The following CDC42BPA variants were observed in gnomAD, a reference collection of about 807,000 sequenced individuals.
CDC42BPA encodes serine/threonine-protein kinase MRCK alpha.
In CDC42BPA, 80 loss-of-function variants were observed where a neutral mutation model predicts 223.5. The ratio of observed to expected loss-of-function variants is 0.36; its 90% CI spans 0.30 to 0.43. CDC42BPA has a LOEUF of 0.43. CDC42BPA is among the 20% of genes least tolerant of loss of function. The pLI is 1.00. For synonymous variants in CDC42BPA, 694 were observed against 718.6 expected (o/e 0.97, Z 0.55); for missense variants, 1,743 against 2,099.9 (o/e 0.83, Z 3.32).
chr1:227,285,105 CA>C (rs1212240714), intron 1 of CDC42BPA, among the ~76,000 whole-genome samples: 3 of 151,578 alleles, frequency 2.0e-5, no homozygotes, highest in Non-Finnish European at 4.4e-5. Context: ...GTTTCTTGTG[CA>C]AAACAGGTAG....
At chr1:227,222,146 T>C (rs1299341887) in intron 2 of CDC42BPA, among the ~76,000 whole-genome samples, 1 of 151,482 alleles carries the variant, frequency 6.6e-6, no homozygotes, top group Non-Finnish European at 1.5e-5. Context: ...GATGGGAGCT[T>C]GGTCAAGACT....
At chr1:227,067,638 AAC>A (rs1227232248) in intron 21 of CDC42BPA, among the ~76,000 whole-genome samples, 1 of 152,144 alleles carries the variant, frequency 6.6e-6, no homozygotes, top group African/African-American at 2.4e-5. Flanking sequence ...AGAATAGCAA[AAC>A]ACTTTGTTTA....
At chr1:227,075,512 G>C (rs796096821) in intron 17 of CDC42BPA, among the ~76,000 whole-genome samples, 1 of 152,136 alleles carries the variant, frequency 6.6e-6, no homozygotes, top group Non-Finnish European at 1.5e-5. Context: ...TAAAACCATG[G>C]TAAGGGACAG....
intron 5 of CDC42BPA, among the ~76,000 whole-genome samples, chr1:227,182,155 G>A (rs552807298): frequency 6.6e-6 from 1 of 152,174 alleles, no homozygotes; most frequent in African/African-American, 2.4e-5. Context: ...TCTAACACCT[G>A]GAGTCCTCAT....
At chr1:227,276,645 G>T (rs1687116572) in intron 1 of CDC42BPA, among the ~76,000 whole-genome samples, 1 of 152,250 alleles carries the variant, frequency 6.6e-6, no homozygotes, top group Non-Finnish European at 1.5e-5. Context: ...GGGGGGAAAT[G>T]TGGGGAAAGG....
intron 2 of CDC42BPA, chr1:227,235,222 GCTGA>G (rs777296544): frequency 1.3e-5 from 2 of 152,112 alleles, no homozygotes; most frequent in South Asian, 2.1e-4. Flanking sequence ...CCCCCTACTG[GCTGA>G]CTGTCAATTC....
chr1:227,016,668 A>G (rs1189999947), intron 33 of CDC42BPA, among the ~76,000 whole-genome samples: 1 of 134,956 alleles, frequency 7.4e-6, no homozygotes, highest in Non-Finnish European at 1.6e-5. Flanking sequence ...CAATCCAAAA[A>G]TATGACTATT....
chr1:227,233,541 A>C (rs1678424502), intron 2 of CDC42BPA, among the ~76,000 whole-genome samples: 3 of 152,338 alleles, frequency 2.0e-5, no homozygotes, highest in Admixed American at 2.0e-4. Context: ...TTCTTGTAAC[A>C]TATACCTATC....
intron 1 of CDC42BPA, among the ~76,000 whole-genome samples, chr1:227,294,859 C>CAA (rs397983087): frequency 0.25 from 3,144 of 12,780 alleles, 1,323 homozygotes; most frequent in East Asian, 0.3. Flanking sequence ...GACTCCGTCT[C>CAA]AAAAAAAAAA....
At chr1:227,005,899 T>C (rs937803947) in intron 34 of CDC42BPA, among the ~76,000 whole-genome samples, 4 of 152,212 alleles carry the variant, frequency 2.6e-5, no homozygotes, top group African/African-American at 9.6e-5. Context: ...GATAGCCACA[T>C]AGGTGGTGTG....
At chr1:227,068,365 T>C (rs978180776) in intron 21 of CDC42BPA, 33 of 152,242 alleles carry the variant, frequency 2.2e-4, no homozygotes, top group African/African-American at 7.5e-4. Context: ...TTTATATATA[T>C]ATAAAAAATA....
intron 5 of CDC42BPA, among the ~76,000 whole-genome samples, chr1:227,187,350 A>G (rs1275310379): frequency 1.3e-5 from 2 of 152,192 alleles, no homozygotes; most frequent in East Asian, 1.9e-4. Context: ...GAAATGCTAG[A>G]GATCAAAAAC....
chr1:227,183,771 C>T (rs1668329837), intron 5 of CDC42BPA, among the ~76,000 whole-genome samples: 1 of 152,182 alleles, frequency 6.6e-6, no homozygotes, highest in Admixed American at 6.5e-5. Flanking sequence ...AAAAAATGTC[C>T]AACTGTCTTC....
At chr1:227,104,261 C>T (rs1002149572) in intron 14 of CDC42BPA, among the ~76,000 whole-genome samples, 4 of 152,056 alleles carry the variant, frequency 2.6e-5, no homozygotes, top group African/African-American at 9.7e-5. Context: ...TCGCTAACTT[C>T]GTTTCTGGGT....
At chr1:227,063,192 C>T (rs937548591) in intron 21 of CDC42BPA, among the ~76,000 whole-genome samples, 12 of 152,102 alleles carry the variant, frequency 7.9e-5, no homozygotes, top group African/African-American at 2.9e-4. Flanking sequence ...CTCATATATA[C>T]CTACACACAC....
intron 23 of CDC42BPA, among the ~76,000 whole-genome samples, chr1:227,043,767 A>C (rs1344156872): frequency 6.6e-6 from 1 of 152,188 alleles, no homozygotes; most frequent in Non-Finnish European, 1.5e-5. Context: ...CATTTTAGGA[A>C]TCTTTCCCCT....
At chr1:227,083,790 T>C (rs1471922432) in intron 16 of CDC42BPA, among the ~76,000 whole-genome samples, 1 of 152,206 alleles carries the variant, frequency 6.6e-6, no homozygotes, top group Admixed American at 6.5e-5. Context: ...TGAGGACTCA[T>C]GTTTCTTACT....
At chr1:227,179,296 T>C (rs952226939) in intron 5 of CDC42BPA, among the ~76,000 whole-genome samples, 1 of 152,116 alleles carries the variant, frequency 6.6e-6, no homozygotes, top group Admixed American at 6.5e-5. Flanking sequence ...CAAAAACCAC[T>C]GTACACATTA....
chr1:226,991,211 A>C lies in CDC42BPA; in HGVS notation c.*3057T>G, dbSNP rs1660704041. On this transcript the variant is annotated 3_prime_UTR_variant, in exon 37 of 37. Transcript: ENST00000366766. ...TACTAACACAGATAGACTATCCCAG[A>C]AATGCCTCTGAATGTATTTTTTCTA... 1 of 152,658 alleles carries C rather than the reference A, an allele frequency of 6.6e-6. No individual in the cohort carries two copies. Among genetic ancestry groups the C allele is most frequent in the Non-Finnish European group, 1.5e-5 (1 of 68,042 alleles). The allele number at this position is 152,658 out of a possible 1,614,324, so 9.5% of individuals were successfully genotyped here.
Sources: gnomAD v4.1 joint callset for allele counts (sites outside exome capture counted in the v4.1 genomes callset) on GRCh38, gnomAD v4.1.1 for gene constraint, MANE v1.5 for transcripts, NCBI Gene and HGNC (gene_info 2026-07-23, HGNC 2026-07-21) for gene names.